Variants in MGME1 observed in about 807,000 individuals in gnomAD.
MGME1 encodes mitochondrial genome maintenance exonuclease 1.
MGME1 carries 22 observed loss-of-function variants against 33.0 expected under a neutral mutation model. That is an observed-to-expected ratio of 0.67 (90% CI 0.48 to 0.95). The LOEUF (loss-of-function observed/expected upper bound fraction) is 0.95, where lower values mean the gene tolerates loss of function less well. MGME1 is among the 40% of genes least tolerant of loss of function. The pLI is 0.00. For synonymous variants in MGME1, 133 were observed against 144.0 expected (o/e 0.92, Z 0.55); for missense variants, 383 against 397.8 (o/e 0.96, Z 0.32).
intron 3 of MGME1, among the ~76,000 whole-genome samples, chr20:17,987,445 T>C (rs2036182421): frequency 6.6e-6 from 1 of 152,056 alleles, no homozygotes. Flanking sequence ...AATATCCCTA[T>C]AATAAAAAAA....
rs951928564 is a variant in MGME1, at chr20:17,974,069, T to TG, written c.512-1615_512-1614insG. ...GTTGAGTCTCTTTGTGTGTTTTTTTTTTTTTTTTTTTTTTTGAGATTGTCT... is the reference window on the plus strand; with the variant it reads ...GTTGAGTCTCTTTGTGTGTTTTTTTTGTTTTTTTTTTTTTTTGAGATTGTCT... On this transcript the variant is annotated intron_variant, in intron 2 of 4. Transcript: ENST00000377710. Among the ~76,000 whole-genome samples the TG allele has an allele frequency of 1.3e-4, 19 of 142,128 alleles. No individual in the cohort carries two copies. The East Asian group carries it at 3.4e-3, about 25-fold the overall frequency. 93.2% of individuals were successfully genotyped at this position (142,128 alleles called of 152,430 possible). A position where few individuals can be genotyped will look rare whatever the true frequency, so the allele number is the denominator to read the frequency against.
intron 3 of MGME1, among the ~76,000 whole-genome samples, chr20:17,979,422 A>G (rs113879887): frequency 0.11 from 15,648 of 145,750 alleles, 865 homozygotes; most frequent in Middle Eastern, 0.12. Context: ...TTATTTATTT[A>G]TTTTTTTGAG....
At chr20:17,977,717 C>T (rs2035904598) in intron 3 of MGME1, among the ~76,000 whole-genome samples, 1 of 152,136 alleles carries the variant, frequency 6.6e-6, no homozygotes, top group Non-Finnish European at 1.5e-5. Flanking sequence ...TGGACACTCC[C>T]AAGTCTGGGT....
At chr20:17,968,617 C>G (rs926712809), upstream of MGME1, 115 of 628,412 alleles carry the variant, frequency 1.8e-4, 1 homozygote, top group Admixed American at 2.7e-3. Flanking sequence ...GCGAGCAGGG[C>G]GCCACGTGCT....
rs747156321 is a variant in MGME1 at position 17,970,166 on chromosome 20, A to G, written c.307A>G (p.Ile103Val). ...DRRVPQNWFP[I>V]FNPERSDKPN... ...ACGAGTGCCACAAAACTGGTTTCCT[A>G]TCTTCAATCCAGAGAGAAGTGATAA... is the stretch of plus-strand genomic sequence containing the variant. Residue 103 changes from isoleucine (I) to valine (V), a missense_variant, in exon 2 of 5, where the codon ATC (isoleucine) becomes GTC (valine). Physicochemically the swap from Ile to Val is conservative, Grantham distance 29. Coordinates refer to ENST00000377710, the MANE Select transcript of MGME1 (RefSeq NM_052865.4). 6.2e-6 allele frequency: 10 copies of G among 1,614,226 alleles called. No individual in the cohort carries two copies. Among genetic ancestry groups the G allele is most frequent in the Admixed American group, 5.0e-5 (3 of 60,016 alleles).
At chr20:17,972,436 ATT>A (rs143594137) in intron 2 of MGME1, among the ~76,000 whole-genome samples, 631 of 125,666 alleles carry the variant, frequency 5.0e-3, no homozygotes, top group Admixed American at 0.01. Context: ...TTAGGTTTTA[ATT>A]TTTTTTTTTT....
intron 3 of MGME1, among the ~76,000 whole-genome samples, chr20:17,979,502 C>T (rs771267181): frequency 2.2e-4 from 34 of 151,844 alleles, no homozygotes; most frequent in Middle Eastern, 3.4e-3. Context: ...CGCTCCGCCT[C>T]GGGTTCACGC....
At chr20:17,974,817 G>A (rs2035818531) in intron 2 of MGME1, among the ~76,000 whole-genome samples, 1 of 151,978 alleles carries the variant, frequency 6.6e-6, no homozygotes, top group African/African-American at 2.4e-5. Context: ...GGAGAAGAAT[G>A]TCACATATTT....
intron 2 of MGME1, among the ~76,000 whole-genome samples, chr20:17,972,046 C>G (rs918133997): frequency 6.6e-6 from 1 of 152,096 alleles, no homozygotes; most frequent in African/African-American, 2.4e-5. Flanking sequence ...CAGAATCACT[C>G]TTTTTAGAAA....
At chr20:17,972,143 G>C (rs1162672915) in intron 2 of MGME1, among the ~76,000 whole-genome samples, 1 of 152,146 alleles carries the variant, frequency 6.6e-6, no homozygotes, top group Non-Finnish European at 1.5e-5. Flanking sequence ...TCACTAAATT[G>C]ATTAACGGGT....
chr20:17,987,263 A>G (rs914013614), intron 3 of MGME1, among the ~76,000 whole-genome samples: 33 of 152,158 alleles, frequency 2.2e-4, no homozygotes, highest in East Asian at 3.9e-4. Context: ...ACTTGGCAAT[A>G]TTACAAAACA....
chr20:17,972,011 A>G (rs889778022), intron 2 of MGME1, among the ~76,000 whole-genome samples: 1 of 152,266 alleles, frequency 6.6e-6, no homozygotes, highest in Middle Eastern at 3.4e-3. Context: ...TACTGAGACT[A>G]CAGGTGTGAC....
chr20:17,968,965 C>T (rs937678682), upstream of MGME1: 7 of 154,446 alleles, frequency 4.5e-5, no homozygotes, highest in East Asian at 1.9e-4. Flanking sequence ...TAACTGGTGG[C>T]GCGTTGGCGG....
rs909648209 is a variant in MGME1, at chr20:17,991,025, A to G, written c.*916A>G. Reference sequence around the variant, plus strand: ...TCTTATGGAGTGAGTCTTAGCATTTAAGTTATACAGTTGCTGCCTTAAAAT... The same window carrying G: ...TCTTATGGAGTGAGTCTTAGCATTTGAGTTATACAGTTGCTGCCTTAAAAT... On this transcript the variant is annotated 3_prime_UTR_variant, in exon 5 of 5. Transcript: ENST00000377710. 2.6e-5 allele frequency: 4 copies of G among 152,236 alleles called. No individual in the cohort carries two copies. The highest frequency in any genetic ancestry group is 9.6e-5 in the African/African-American group (4 of 41,468). The allele number at this position is 152,236 out of a possible 1,614,324, so 9.4% of individuals were successfully genotyped here. A position where few individuals can be genotyped will look rare whatever the true frequency, so the allele number is the denominator to read the frequency against.
intron 3 of MGME1, among the ~76,000 whole-genome samples, chr20:17,985,142 G>A (rs752027148): frequency 1.1e-4 from 16 of 151,942 alleles, no homozygotes; most frequent in Non-Finnish European, 1.8e-4. Flanking sequence ...TTAAAGAAGT[G>A]GCCGGGCATG....
intron 4 of MGME1, among the ~76,000 whole-genome samples, chr20:17,989,609 G>T (rs2036241114): frequency 6.6e-6 from 1 of 151,594 alleles, no homozygotes. Context: ...GGTGCAACGA[G>T]CCGAGATTGT....
rs763391171 is a variant in MGME1, at chr20:17,970,207, T to C, written c.348T>C (p.Asp116=). ...GAAGTGATAAACCAAATGCAAGTGA[T>C]CCTTCAGTTCCTTTGAAAATCCCCT... is the stretch of plus-strand genomic sequence containing the variant. The part of the protein sequence containing the change: ...PERSDKPNAS[D]PSVPLKIPLQ... Residue 116 remains aspartate, a synonymous_variant, in exon 2 of 5, where the codon GAT becomes GAC. Coordinates refer to ENST00000377710, the MANE Select transcript of MGME1 (RefSeq NM_052865.4). 6.2e-7 allele frequency: 1 copy of C among 1,614,208 alleles called. No homozygotes were observed. The highest frequency in any genetic ancestry group is 1.7e-5 in the Admixed American group (1 of 60,020).
intron 4 of MGME1, 113 bp from the exon 5 acceptor site, chr20:17,989,826 G>A: frequency 1.1e-6 from 1 of 923,376 alleles, no homozygotes; most frequent in African/African-American, 1.7e-5. Flanking sequence ...AACTGAGTTA[G>A]GAGATATCCT....
intron 3 of MGME1, among the ~76,000 whole-genome samples, chr20:17,980,682 G>A (rs2035990558): frequency 2.0e-5 from 3 of 151,778 alleles, no homozygotes; most frequent in Admixed American, 6.6e-5. Flanking sequence ...GGTGGCAGGC[G>A]CCTGTAGTCC....
Sources: gnomAD v4.1 joint callset for allele counts (sites outside exome capture counted in the v4.1 genomes callset) on GRCh38, gnomAD v4.1.1 for gene constraint, MANE v1.5 for transcripts, NCBI Gene and HGNC (gene_info 2026-07-23, HGNC 2026-07-21) for gene names.